The following CDK13 variants were observed in gnomAD, a reference collection of about 807,000 sequenced individuals.
CDK13 encodes the protein cyclin-dependent kinase 13.
Under a neutral mutation model 137.6 loss-of-function variants are expected in CDK13, and 40 were observed. The observed-to-expected ratio is 0.29, with a 90% CI of 0.23 to 0.38. The LOEUF (loss-of-function observed/expected upper bound fraction) is 0.38, where lower values mean the gene tolerates loss of function less well. CDK13 is among the 10% of genes least tolerant of loss of function. CDK13 has a pLI of 1.00. For missense variants in CDK13, 1,704 were observed against 1,951.8 expected, an observed-to-expected ratio of 0.87 and a Z score of 2.39; for synonymous variants, 869 against 760.1, an observed-to-expected ratio of 1.14 and a Z score of -2.36.
rs1785779737 is a variant in CDK13 at position 40,047,705 on chromosome 7, G to A, written c.2544-116G>A. 7.0e-5 allele frequency: 47 copies of A among 673,614 alleles called. No homozygotes were observed. The South Asian group carries it at 9.2e-4, about 13-fold the overall frequency. 41.7% of individuals were successfully genotyped at this position (673,614 alleles called of 1,614,324 possible). Reference sequence around the variant, plus strand: ...TTGATGATATTGCAGTGTGAGCAGAGTTAAAGTTTACATAGGTTTTTTTTT... The same window carrying A: ...TTGATGATATTGCAGTGTGAGCAGAATTAAAGTTTACATAGGTTTTTTTTT... On this transcript the variant is annotated intron_variant, in intron 6 of 13. Coordinates refer to ENST00000181839, the MANE Select transcript of CDK13 (RefSeq NM_003718.5).
chr7:40,050,355 CTT>C (rs979454824), intron 7 of CDK13, among the ~76,000 whole-genome samples: 30 of 152,088 alleles, frequency 2.0e-4, no homozygotes, highest in Admixed American at 5.9e-4. Context: ...CAAAACTTAA[CTT>C]GAAGTATATT....
chr7:39,982,006 T>G (rs1390039584), intron 1 of CDK13, among the ~76,000 whole-genome samples: 2 of 151,454 alleles, frequency 1.3e-5, no homozygotes, highest in Non-Finnish European at 2.9e-5. Context: ...TCTTCTTTTT[T>G]TCTTTTTTTT....
Position 39,999,151 on chromosome 7 carries a change from A to C in CDK13, c.2043-210A>C, listed in dbSNP as rs17496331. 0.036 allele frequency: 13,669 copies of C among 376,570 alleles called. 370 individuals are homozygous for C. Among genetic ancestry groups the C allele is most frequent in the Non-Finnish European group, 0.047 (9,947 of 212,566 alleles). 23.3% of individuals were successfully genotyped at this position (376,570 alleles called of 1,614,324 possible). A position where few individuals can be genotyped will look rare whatever the true frequency, so the allele number is the denominator to read the frequency against. ...AGTTTAAATACTTGTCTACAGAAGA[A>C]GAGTCAGTATGTAGAAATGATACCT... On this transcript the variant is annotated intron_variant, in intron 3 of 13. Coordinates refer to ENST00000181839, the MANE Select transcript of CDK13 (RefSeq NM_003718.5).
At chr7:40,074,308 G>A (rs1020972309) in intron 9 of CDK13, among the ~76,000 whole-genome samples, 2 of 152,120 alleles carry the variant, frequency 1.3e-5, no homozygotes, top group African/African-American at 4.8e-5. Flanking sequence ...GGATCACTAG[G>A]TCAGGAGATC....
At chr7:40,072,018 T>C (rs895867653) in intron 9 of CDK13, 1 of 152,242 alleles carries the variant, frequency 6.6e-6, no homozygotes, top group Non-Finnish European at 1.5e-5. Flanking sequence ...TCATATTTTG[T>C]TGTACAGTAG....
chr7:40,047,777 G>A (rs1232900487), intron 6 of CDK13, 44 bp from the exon 7 acceptor site: 1 of 1,313,338 alleles, frequency 7.6e-7, no homozygotes, highest in East Asian at 2.3e-5. Flanking sequence ...TGTCAATTAA[G>A]AGTAAATTAA....
chr7:40,066,090 C>T lies in CDK13; in HGVS notation c.2780+2990C>T, dbSNP rs531796257. ...GTCATTGGAGGGTGAGCATGTGGTC[C>T]GTACTACTCGTGAAGCTGAGGTGAG... On this transcript the variant is annotated intron_variant, in intron 9 of 13. Transcript: ENST00000181839. Among the ~76,000 whole-genome samples the T allele has an allele frequency of 1.6e-4, 24 of 152,170 alleles. 1 individual carries two copies. The South Asian group carries it at 3.9e-3, about 25-fold the overall frequency.
In CDK13 at chr7:39,976,753, C is replaced by T. The variant is rs552816204; in HGVS notation, c.1212-10846C>T. Among the ~76,000 whole-genome samples the T allele has an allele frequency of 4.6e-5, 7 of 152,020 alleles. No homozygotes were observed. The South Asian group carries it at 1.5e-3, about 32-fold the overall frequency. On this transcript the variant is annotated intron_variant, in intron 1 of 13. Transcript: ENST00000181839. ...ATAAAATAGAACAATTATAACAATA[C>T]CCTAAAATAAAAGTTATGTGAATGT...
intron 9 of CDK13, chr7:40,070,705 G>A (rs1366699431): frequency 6.6e-6 from 1 of 152,274 alleles, no homozygotes; most frequent in Non-Finnish European, 1.5e-5. Flanking sequence ...GAGCGAGACT[G>A]TGTCTCAAAA....
intron 7 of CDK13, among the ~76,000 whole-genome samples, chr7:40,056,054 C>T (rs1044250498): frequency 3.3e-5 from 5 of 152,112 alleles, no homozygotes; most frequent in South Asian, 4.1e-4. Flanking sequence ...CTAATCGTAA[C>T]GTGGATTTTT....
At chr7:40,030,253 G>A (rs1261967223) in intron 5 of CDK13, among the ~76,000 whole-genome samples, 2 of 143,906 alleles carry the variant, frequency 1.4e-5, no homozygotes, top group South Asian at 4.2e-4. Context: ...GTGTGTATAT[G>A]TGTGTGTGTA....
At chr7:40,048,028 G>C in intron 7 of CDK13, 151 bp downstream of exon 7, 2 of 476,044 alleles carry the variant, frequency 4.2e-6, no homozygotes, top group Non-Finnish European at 7.5e-6. Context: ...ACCATATTGG[G>C]TTGATTATTG....
Position 39,950,685 on chromosome 7 carries a change from T to G in CDK13, c.44T>G (p.Leu15Arg). ...ACGGCGCTGGGGGGAGGCGGGGGCC[T>G]GAGCTGGGCGGAGAAGAAGTTGGAG... ...SDTALGGGGG[L>R]SWAEKKLEER... Residue 15 changes from leucine (L) to arginine (R), a missense_variant, in exon 1 of 14, where the codon CTG becomes CGG. Physicochemically the swap from Leu to Arg is moderately radical, Grantham distance 102. This residue lies in a region of CDK13 where 1,051 missense variants were observed against 931.0 expected (regional missense o/e 1.13). Transcript: ENST00000181839. 1 of 1,416,032 alleles carries G rather than the reference T, an allele frequency of 7.1e-7. No individual in the cohort carries two copies. Among genetic ancestry groups the G allele is most frequent in the South Asian group, 1.5e-5 (1 of 67,982 alleles). 87.7% of individuals were successfully genotyped at this position (1,416,032 alleles called of 1,614,324 possible).
intron 3 of CDK13, chr7:39,998,778 AT>A (rs1395473214): frequency 6.6e-6 from 1 of 152,032 alleles, no homozygotes; most frequent in Non-Finnish European, 1.5e-5. Context: ...CTACCTGTCC[AT>A]TTGTATCTGC....
At chr7:39,968,258 G>GT (rs1465223940) in intron 1 of CDK13, among the ~76,000 whole-genome samples, 1 of 151,896 alleles carries the variant, frequency 6.6e-6, no homozygotes, top group Non-Finnish European at 1.5e-5. Flanking sequence ...GTTTATTTTT[G>GT]TTTTTGTTCC....
At chr7:40,056,271 C>T (rs1238101567) in intron 7 of CDK13, among the ~76,000 whole-genome samples, 1 of 152,098 alleles carries the variant, frequency 6.6e-6, no homozygotes, top group Non-Finnish European at 1.5e-5. Context: ...AGGTGTTTTT[C>T]CTTGTCCTTA....
At chr7:40,059,188 G>A (rs2052097) in intron 7 of CDK13, 82,343 of 151,894 alleles carry the variant, frequency 0.54, 24,312 homozygotes, top group African/African-American at 0.79. Flanking sequence ...ATCTAGACCA[G>A]TAGGAGGTGG....
chr7:40,048,959 T>A (rs1420245891), intron 7 of CDK13: 1 of 150,570 alleles, frequency 6.6e-6, no homozygotes, highest in Admixed American at 6.6e-5. Flanking sequence ...TCCCAGCACT[T>A]TGGGAGGCAG....
intron 9 of CDK13, among the ~76,000 whole-genome samples, chr7:40,068,297 T>A (rs1376351408): frequency 6.6e-6 from 1 of 150,790 alleles, no homozygotes; most frequent in Non-Finnish European, 1.5e-5. Context: ...TAATAAAGAC[T>A]CTGAGGCATA....
Sources: allele counts gnomAD v4.1 joint callset (sites outside exome capture counted in the v4.1 genomes callset), GRCh38; gene constraint gnomAD v4.1.1; regional missense constraint gnomAD v4.1.1; transcripts MANE v1.5; gene names NCBI Gene and HGNC (gene_info 2026-07-23, HGNC 2026-07-21).